The following PDE1A variants were observed in gnomAD, a reference collection of about 807,000 sequenced individuals.
PDE1A encodes the protein dual specificity calcium/calmodulin-dependent 3',5'-cyclic nucleotide phosphodiesterase 1A.
Under a neutral mutation model 61.7 loss-of-function variants are expected in PDE1A, and 35 were observed. That is an observed-to-expected ratio of 0.57 (90% confidence interval 0.43 to 0.75). PDE1A has a LOEUF of 0.75. PDE1A is among the 30% of genes least tolerant of loss of function. The pLI is 0.00. For missense variants in PDE1A, 597 were observed against 630.6 expected (o/e 0.95, Z 0.57); for synonymous variants, 232 against 213.2 (o/e 1.09, Z -0.77).
chr2:182,383,835 T>C (rs1475462976), intron 1 of PDE1A, among the ~76,000 whole-genome samples: 1 of 152,186 alleles, frequency 6.6e-6, no homozygotes, highest in Non-Finnish European at 1.5e-5. Flanking sequence ...TGGAGAGAGA[T>C]GCCATTTGCT....
chr2:182,451,935 T>A (rs140716828), intron 2 of PDE1A, among the ~76,000 whole-genome samples: 1,947 of 152,246 alleles, frequency 0.013, 29 homozygotes, highest in South Asian at 0.047. Flanking sequence ...GAACTTCTGC[T>A]GGGCACTGGT....
At chr2:182,612,936 T>G in the PDE1A span, among the ~76,000 whole-genome samples, 1 of 152,354 alleles carries the variant, frequency 6.6e-6, no homozygotes, top group South Asian at 2.1e-4. Context: ...TTTTTGCAGT[T>G]TTTTTATCTT....
At chr2:182,383,479 G>T (rs930173789) in intron 1 of PDE1A, among the ~76,000 whole-genome samples, 3 of 152,020 alleles carry the variant, frequency 2.0e-5, no homozygotes, top group African/African-American at 7.3e-5. Context: ...TTATAAATAT[G>T]AAAGAAAATT....
chr2:182,159,593 T>A (rs545036134), intron 13 of PDE1A, among the ~76,000 whole-genome samples: 4 of 152,334 alleles, frequency 2.6e-5, no homozygotes, highest in Non-Finnish European at 4.4e-5. Flanking sequence ...AGTAATACTT[T>A]TCCATAGCAC....
chr2:182,250,802 A>C (rs564672676), intron 2 of PDE1A, among the ~76,000 whole-genome samples: 4 of 152,298 alleles, frequency 2.6e-5, no homozygotes, highest in South Asian at 4.1e-4. Context: ...GGCTTTCTCC[A>C]AGGTAAGACC....
chr2:182,240,081 T>C, intron 3 of PDE1A, 29 bp downstream of exon 3: 1 of 1,594,646 alleles, frequency 6.3e-7, no homozygotes, highest in South Asian at 1.1e-5. Flanking sequence ...CAAATGTTAC[T>C]GTCTTGAGAT....
intron 1 of PDE1A, among the ~76,000 whole-genome samples, chr2:182,310,079 G>A (rs773638932): frequency 9.9e-5 from 15 of 152,050 alleles, no homozygotes; most frequent in Non-Finnish European, 1.9e-4. Flanking sequence ...ATATAGATGA[G>A]GCAAAAATGA....
chr2:182,470,653 T>C (rs1226736396), intron 2 of PDE1A, among the ~76,000 whole-genome samples: 3 of 151,748 alleles, frequency 2.0e-5, no homozygotes, highest in South Asian at 2.1e-4. Context: ...ATTCTGAAAG[T>C]GGGTTTCTGT....
At chr2:182,254,863 C>G (rs1574160097) in intron 2 of PDE1A, among the ~76,000 whole-genome samples, 1 of 152,096 alleles carries the variant, frequency 6.6e-6, no homozygotes, top group Admixed American at 6.5e-5. Flanking sequence ...AGTTCTTAAG[C>G]GTATGACTTA....
intron 2 of PDE1A, among the ~76,000 whole-genome samples, chr2:182,243,022 T>C (rs1690676657): frequency 6.6e-6 from 1 of 151,908 alleles, no homozygotes. Context: ...ACTACCAGTG[T>C]AGGTTATAAA....
the PDE1A span, among the ~76,000 whole-genome samples, chr2:182,571,299 T>C: frequency 6.6e-6 from 1 of 152,014 alleles, no homozygotes; most frequent in South Asian, 2.1e-4. Flanking sequence ...AGGAAGAGAA[T>C]GAAAAAAGAA....
chr2:182,339,779 T>G (rs1043789619), intron 1 of PDE1A, among the ~76,000 whole-genome samples: 1 of 152,186 alleles, frequency 6.6e-6, no homozygotes, highest in African/African-American at 2.4e-5. Context: ...TTAAAAATAT[T>G]AACACTCCAT....
the PDE1A span, among the ~76,000 whole-genome samples, chr2:182,673,834 C>G: frequency 6.6e-6 from 1 of 151,536 alleles, no homozygotes; most frequent in African/African-American, 2.4e-5. Context: ...TAATTTCTTG[C>G]TTATACAAAT....
chr2:182,451,693 C>G (rs925795791), intron 2 of PDE1A, among the ~76,000 whole-genome samples: 17 of 152,122 alleles, frequency 1.1e-4, no homozygotes, highest in African/African-American at 2.9e-4. Flanking sequence ...AACCTATACT[C>G]TAGTTGCTTA....
intron 1 of PDE1A, among the ~76,000 whole-genome samples, chr2:182,278,262 G>A (rs1458297243): frequency 6.6e-6 from 1 of 151,988 alleles, no homozygotes; most frequent in African/African-American, 2.4e-5. Context: ...ACACAATTGA[G>A]TTGAGTCTTC....
intron 2 of PDE1A, among the ~76,000 whole-genome samples, chr2:182,260,216 C>T (rs1692124992): frequency 1.3e-5 from 2 of 152,128 alleles, no homozygotes; most frequent in South Asian, 4.1e-4. Context: ...TTATTTTGTG[C>T]TGACTTTTTT....
At chr2:182,707,891 T>A in the PDE1A span, among the ~76,000 whole-genome samples, 1 of 152,120 alleles carries the variant, frequency 6.6e-6, no homozygotes, top group Non-Finnish European at 1.5e-5. Flanking sequence ...AGAGGTTGGG[T>A]AAGATACGCA....
the PDE1A span, among the ~76,000 whole-genome samples, chr2:182,563,019 T>C: frequency 1.3e-5 from 2 of 152,228 alleles, no homozygotes; most frequent in Non-Finnish European, 2.9e-5. Context: ...CCTGGATTCA[T>C]TAATTTTTTG....
intron 1 of PDE1A, among the ~76,000 whole-genome samples, chr2:182,319,666 C>T (rs1425369847): frequency 1.3e-5 from 2 of 152,148 alleles, no homozygotes; most frequent in Non-Finnish European, 2.9e-5. Flanking sequence ...TATGTTTAAG[C>T]ACCTTTCCTA....
Sources: allele counts gnomAD v4.1 joint callset (sites outside exome capture counted in the v4.1 genomes callset), GRCh38; gene constraint gnomAD v4.1.1; transcripts MANE v1.5; gene names NCBI Gene and HGNC (gene_info 2026-07-23, HGNC 2026-07-21).